ZNF267: variants seen among roughly 807,000 people sequenced by gnomAD.
ZNF267 encodes zinc finger protein 267, also known as zinc finger (C2H2).
In ZNF267, 61 loss-of-function variants were observed where a neutral mutation model predicts 71.6. The ratio of observed to expected loss-of-function variants is 0.85; its 90% CI spans 0.69 to 1.05. The LOEUF is 1.05. Among genes scored for constraint, ZNF267 ranks in the 50% least tolerant of loss-of-function variants. The pLI is 0.00. For missense variants in ZNF267, 852 were observed against 870.0 expected (o/e 0.98, Z 0.26); for synonymous variants, 288 against 293.2 (o/e 0.98, Z 0.18).
intron 3 of ZNF267, among the ~76,000 whole-genome samples, chr16:31,909,402 G>C (rs1163049572): frequency 6.6e-6 from 1 of 151,748 alleles, no homozygotes; most frequent in Non-Finnish European, 1.5e-5. Context: ...TAGGGTGCTG[G>C]GATTACAGGT....
In ZNF267 at chr16:31,914,856, CTAAA is replaced by C; in HGVS notation, c.610_613del (p.Asn204ValfsTer21). On this transcript the variant is annotated frameshift_variant, in exon 4 of 4. Transcript: ENST00000300870. LOFTEE classifies it high-confidence loss of function. ...AGTGTTATTTAGGCAGGTCTCTACT[CTAAA>C]TAGTTACCGAAATGTTTTTATTGGA... is the stretch of plus-strand genomic sequence containing the variant. The C allele has an allele frequency of 6.2e-7, 1 of 1,611,322 alleles. No individual in the cohort carries two copies. The highest frequency in any genetic ancestry group is 8.5e-7 in the Non-Finnish European group (1 of 1,179,282).
chr16:31,896,689 A>C (rs1261010427), intron 3 of ZNF267, among the ~76,000 whole-genome samples: 1 of 152,128 alleles, frequency 6.6e-6, no homozygotes, highest in Non-Finnish European at 1.5e-5. Context: ...TTTGTCGTAA[A>C]TTTTGACGTA....
At chr16:31,886,556 C>T (rs1404534239) in intron 3 of ZNF267, among the ~76,000 whole-genome samples, 2 of 152,106 alleles carry the variant, frequency 1.3e-5, no homozygotes, top group African/African-American at 4.8e-5. Context: ...CCAAAACCAC[C>T]CCCGACTCGA....
At chr16:31,887,391 A>G (rs1161789060) in intron 3 of ZNF267, among the ~76,000 whole-genome samples, 1 of 150,988 alleles carries the variant, frequency 6.6e-6, no homozygotes, top group Non-Finnish European at 1.5e-5. Context: ...TTTTTGTTTC[A>G]TTTAATGCTA....
intron 3 of ZNF267, among the ~76,000 whole-genome samples, chr16:31,898,324 G>T (rs944794524): frequency 3.9e-5 from 6 of 151,984 alleles, no homozygotes; most frequent in African/African-American, 1.4e-4. Flanking sequence ...TTCATGTTCA[G>T]CCCATGTGTG....
At position 31,876,591 on chromosome 16, in the gene ZNF267, C is replaced by A. The variant is rs1004333301; in HGVS notation, c.3+2622C>A. ...TATATATGATTATTTACTAAATGAT[C>A]TGTTATCATGGAAATAAGTAAGTGG... On this transcript the variant is annotated intron_variant, in intron 1 of 3. Coordinates refer to ENST00000300870, the MANE Select transcript of ZNF267 (RefSeq NM_003414.6). Among the ~76,000 whole-genome samples the A allele has an allele frequency of 2.6e-5, 4 of 152,184 alleles. No individual in the cohort carries two copies. The East Asian group carries it at 7.7e-4, about 29-fold the overall frequency.
intron 1 of ZNF267, 177 bp downstream of exon 1, chr16:31,874,146 G>A: frequency 3.0e-6 from 2 of 659,718 alleles, no homozygotes; most frequent in Admixed American, 3.0e-5. Flanking sequence ...CGGCCAGGCC[G>A]GCAGCCGGGA....
At position 31,879,748 on chromosome 16, in the gene ZNF267, C is replaced by T. The variant is rs570990429; in HGVS notation, c.4-4750C>T. Among the ~76,000 whole-genome samples, 8 of 152,306 alleles carry T rather than the reference C, an allele frequency of 5.3e-5. 1 individual carries two copies. The highest frequency in any genetic ancestry group is 4.1e-4 in the South Asian group (2 of 4,828). The stretch of plus-strand genomic sequence containing the variant: ...ACAGGGCATCAGTTAGCCATTCCAG[C>T]TCTGTCTTTCCATGCCCCTGGCATC... On this transcript the variant is annotated intron_variant, in intron 1 of 3. Transcript: ENST00000300870.
chr16:31,905,351 A>T (rs1389237724), intron 3 of ZNF267, among the ~76,000 whole-genome samples: 1 of 152,174 alleles, frequency 6.6e-6, no homozygotes, highest in Non-Finnish European at 1.5e-5. Context: ...GGATTGGGGA[A>T]GTTCTCCTGG....
intron 3 of ZNF267, among the ~76,000 whole-genome samples, chr16:31,892,188 G>T (rs780404157): frequency 2.0e-5 from 3 of 152,124 alleles, no homozygotes; most frequent in Admixed American, 6.5e-5. Flanking sequence ...AAGGCGAGGA[G>T]GAGCAAGTCA....
At position 31,874,955 on chromosome 16, in the gene ZNF267, G is replaced by A. The variant is rs571560547; in HGVS notation, c.3+986G>A. Among the ~76,000 whole-genome samples, 22 of 152,232 alleles carry A rather than the reference G, an allele frequency of 1.4e-4. No homozygotes were observed. In the South Asian group the frequency reaches 4.6e-3, roughly 32 times the overall value. ...TACTCATTAATCATGATTTCACAGAGCAGTGGATGACACTTTTTTAAAGAT... is the reference window on the plus strand; with the variant it reads ...TACTCATTAATCATGATTTCACAGAACAGTGGATGACACTTTTTTAAAGAT... On this transcript the variant is annotated intron_variant, in intron 1 of 3. Coordinates refer to ENST00000300870, the MANE Select transcript of ZNF267 (RefSeq NM_003414.6).
intron 3 of ZNF267, among the ~76,000 whole-genome samples, chr16:31,902,591 T>A (rs1345384717): frequency 6.6e-6 from 1 of 151,988 alleles, no homozygotes; most frequent in African/African-American, 2.4e-5. Context: ...TGGCTCTCTG[T>A]TTGTCTGTTA....
chr16:31,903,655 G>T (rs945326756), intron 3 of ZNF267, among the ~76,000 whole-genome samples: 4 of 151,996 alleles, frequency 2.6e-5, no homozygotes, highest in Non-Finnish European at 4.4e-5. Flanking sequence ...ATTTTTTATT[G>T]CATCTATTTG....
At position 31,873,921 on chromosome 16, in the gene ZNF267, T is replaced by A; in HGVS notation, c.-46T>A. The A allele has an allele frequency of 6.2e-7, 1 of 1,613,554 alleles. No homozygotes were observed. Reference sequence around the variant, plus strand: ...CTGTTGCTCTGCGACTTGCAGGCACTGGGAGATTCGTAGCTAAGACGCCAG... The same window carrying A: ...CTGTTGCTCTGCGACTTGCAGGCACAGGGAGATTCGTAGCTAAGACGCCAG... On this transcript the variant is annotated 5_prime_UTR_variant, in exon 1 of 4. Coordinates refer to ENST00000300870, the MANE Select transcript of ZNF267 (RefSeq NM_003414.6).
At chr16:31,913,230 C>G (rs1304696912) in intron 3 of ZNF267, 1 of 152,172 alleles carries the variant, frequency 6.6e-6, no homozygotes, top group Non-Finnish European at 1.5e-5. Context: ...TGTGGTTGGT[C>G]TTGGTTAAAA....
rs560252447 is a variant in ZNF267, at chr16:31,878,685, T to G, written c.3+4716T>G. Among the ~76,000 whole-genome samples, 3 of 152,308 alleles carry G rather than the reference T, an allele frequency of 2.0e-5. No individual in the cohort carries two copies. In the East Asian group the frequency reaches 5.8e-4, roughly 29 times the overall value. ...AGTATCTGTAGCACAAACCAGTCCT[T>G]CCACCAACTTGGTACTGCCCCCTGC... is the stretch of plus-strand genomic sequence containing the variant. On this transcript the variant is annotated intron_variant, in intron 1 of 3. Transcript: ENST00000300870.
At chr16:31,877,152 T>C (rs1414071483) in intron 1 of ZNF267, among the ~76,000 whole-genome samples, 1 of 152,050 alleles carries the variant, frequency 6.6e-6, no homozygotes, top group African/African-American at 2.4e-5. Context: ...ACAACTGGTT[T>C]TCCCCCTGTG....
At chr16:31,902,099 GT>G (rs2084046150) in intron 3 of ZNF267, among the ~76,000 whole-genome samples, 2 of 152,176 alleles carry the variant, frequency 1.3e-5, no homozygotes, top group Admixed American at 1.3e-4. Flanking sequence ...AGATCGGATG[GT>G]TGTAGATATG....
chr16:31,909,748 A>G (rs1314235388), intron 3 of ZNF267, among the ~76,000 whole-genome samples: 1 of 152,136 alleles, frequency 6.6e-6, no homozygotes. Flanking sequence ...GATGCCATTT[A>G]GTTTTTTCTC....
Sources: allele counts gnomAD v4.1 joint callset (sites outside exome capture counted in the v4.1 genomes callset), GRCh38; gene constraint gnomAD v4.1.1; transcripts MANE v1.5; gene names NCBI Gene and HGNC (gene_info 2026-07-23, HGNC 2026-07-21).